SLC14A2: variants seen among roughly 807,000 people sequenced by gnomAD.
The protein encoded by SLC14A2 is urea transporter 2.
SLC14A2 carries 91 observed loss-of-function variants against 104.6 expected under a neutral mutation model. The observed-to-expected ratio is 0.87, with a 90% CI of 0.73 to 1.04. The LOEUF is 1.04. Among genes scored for constraint, SLC14A2 ranks in the 50% least tolerant of loss-of-function variants. SLC14A2 has a pLI of 0.00. For synonymous variants in SLC14A2, 476 were observed against 466.4 expected, an observed-to-expected ratio of 1.02 and a Z score of -0.27; for missense variants, 1,189 against 1,156.0, an observed-to-expected ratio of 1.03 and a Z score of -0.41.
rs997036762 is a variant in SLC14A2, at chr18:45,627,075, C to T, written c.449C>T (p.Pro150Leu). ...TTCATAGGGCTGCTGATCCAGAATC[C>T]CTGGTGGACAATCACTGGGGGCCTG... is the stretch of plus-strand genomic sequence containing the variant. The part of the protein sequence containing the change: ...IIFIGLLIQN[P>L]WWTITGGLGT... The change falls in exon 4 of 20, where the codon CCC (proline) becomes CTC (leucine). Residue 150 changes from proline (P) to leucine (L), a missense_variant. Pro to Leu is a moderately conservative substitution (Grantham distance 98). Coordinates refer to ENST00000255226, the MANE Select transcript of SLC14A2 (RefSeq NM_007163.4). 5.6e-6 allele frequency: 9 copies of T among 1,613,900 alleles called. No homozygotes were observed. Among genetic ancestry groups the T allele is most frequent in the Non-Finnish European group, 7.6e-6 (9 of 1,180,026 alleles).
At chr18:45,532,999 T>A (rs2043721470) in intron 2 of SLC14A2, among the ~76,000 whole-genome samples, 1 of 152,190 alleles carries the variant, frequency 6.6e-6, no homozygotes, top group African/African-American at 2.4e-5. Context: ...CTGGATTACG[T>A]TTATTGATTT....
chr18:45,408,137 C>T lies in SLC14A2; in HGVS notation c.-124-75096C>T, dbSNP rs528406644. ...AGGTTGAAATCCATTTGGTGGAAAT[C>T]GGGCCGCCTTTCTTTGAGCTGAGGT... On this transcript the variant is annotated intron_variant, in intron 1 of 20. Transcript: ENST00000586448. 3.3e-5 allele frequency among the ~76,000 whole-genome samples: 5 copies of T among 152,222 alleles called. 1 individual carries two copies. Among genetic ancestry groups the T allele is most frequent in the African/African-American group, 7.2e-5 (3 of 41,544 alleles).
intron 2 of SLC14A2, among the ~76,000 whole-genome samples, chr18:45,501,364 C>T (rs968368302): frequency 3.3e-5 from 5 of 152,210 alleles, no homozygotes; most frequent in Non-Finnish European, 7.3e-5. Flanking sequence ...CAACCTGAGA[C>T]TTGAATCGTC....
intron 2 of SLC14A2, among the ~76,000 whole-genome samples, chr18:45,579,828 G>A (rs1344708020): frequency 6.6e-6 from 1 of 152,210 alleles, no homozygotes; most frequent in Non-Finnish European, 1.5e-5. Flanking sequence ...TTACTTGGGG[G>A]TGTTGGGAAA....
At position 45,282,323 on chromosome 18, in the gene SLC14A2, A is replaced by C. The variant is rs2084770858; in HGVS notation, c.-125+69132A>C. Among the ~76,000 whole-genome samples, 12 of 152,156 alleles carry C rather than the reference A, an allele frequency of 7.9e-5. No individual in the cohort carries two copies. In the South Asian group the frequency reaches 2.5e-3, roughly 32 times the overall value. ...ACGAGTCATAGGGTGCTCAAGAGCT[A>C]TTTGGACCCCAACTTAGTTCTCTGG... On this transcript the variant is annotated intron_variant, in intron 1 of 20. Coordinates refer to the SLC14A2 transcript ENST00000586448.
At chr18:45,653,780 A>T (rs1388903770) in intron 10 of SLC14A2, among the ~76,000 whole-genome samples, 1 of 152,116 alleles carries the variant, frequency 6.6e-6, no homozygotes, top group African/African-American at 2.4e-5. Flanking sequence ...CTAGAAAGGC[A>T]GCATCTAGTA....
At position 45,394,776 on chromosome 18, in the gene SLC14A2, T is replaced by C. The variant is rs566011568; in HGVS notation, c.-124-88457T>C. Among the ~76,000 whole-genome samples, 3 of 152,318 alleles carry C rather than the reference T, an allele frequency of 2.0e-5. No individual in the cohort carries two copies. In the South Asian group the frequency reaches 6.2e-4, roughly 32 times the overall value. On this transcript the variant is annotated intron_variant, in intron 1 of 20. Coordinates refer to the SLC14A2 transcript ENST00000586448. ...TGATATTAACTTCTTATCAGATATA[T>C]GGTTTGCAAATATTTTCTCCCATTC...
At chr18:45,351,552 A>C (rs1009696673) in intron 1 of SLC14A2, among the ~76,000 whole-genome samples, 2 of 152,078 alleles carry the variant, frequency 1.3e-5, no homozygotes, top group Admixed American at 1.3e-4. Context: ...ACAAGGTCTC[A>C]CTATGTTGCC....
chr18:45,227,866 G>T (rs1352318043), intron 1 of SLC14A2, among the ~76,000 whole-genome samples: 1 of 151,932 alleles, frequency 6.6e-6, no homozygotes, highest in Non-Finnish European at 1.5e-5. Context: ...TCTTTAACAA[G>T]ATACATGTGT....
chr18:45,495,563 T>A (rs1439434570), intron 2 of SLC14A2, among the ~76,000 whole-genome samples: 1 of 152,162 alleles, frequency 6.6e-6, no homozygotes, highest in Non-Finnish European at 1.5e-5. Context: ...GAGTCTTGCT[T>A]CAACCTTGGG....
At chr18:45,325,491 G>A (rs549571028) in intron 1 of SLC14A2, among the ~76,000 whole-genome samples, 4 of 152,290 alleles carry the variant, frequency 2.6e-5, no homozygotes, top group Admixed American at 6.5e-5. Flanking sequence ...GCCAAGTGTC[G>A]ATCCTGTTCT....
intron 1 of SLC14A2, among the ~76,000 whole-genome samples, chr18:45,225,918 A>G (rs1054443230): frequency 2.0e-5 from 3 of 152,188 alleles, no homozygotes; most frequent in African/African-American, 7.2e-5. Flanking sequence ...CTACATATAC[A>G]GTCCTGTCAT....
rs16978431 is a variant in SLC14A2 at position 45,633,040 on chromosome 18, C to T, written c.650+562C>T. The stretch of plus-strand genomic sequence containing the variant: ...TTATTGCAATGGTAATCTTCCTGAA[C>T]GACATTCTTAGTAATAAAAGTCAGC... On this transcript the variant is annotated intron_variant, in intron 5 of 19. Transcript: ENST00000255226. Among the ~76,000 whole-genome samples, 1,221 of 152,282 alleles carry T rather than the reference C, an allele frequency of 8.0e-3. 51 individuals are homozygous for T. The East Asian group carries it at 0.13, about 17-fold the overall frequency.
At chr18:45,517,844 C>CA (rs965750238) in intron 2 of SLC14A2, among the ~76,000 whole-genome samples, 5 of 152,018 alleles carry the variant, frequency 3.3e-5, no homozygotes, top group Non-Finnish European at 7.4e-5. Flanking sequence ...CATAGGGGTA[C>CA]AAAAAATAGA....
At chr18:45,178,536 GA>G in the SLC14A2 span, among the ~76,000 whole-genome samples, 1 of 152,204 alleles carries the variant, frequency 6.6e-6, no homozygotes, top group African/African-American at 2.4e-5. Context: ...CCTCTGAGTA[GA>G]AAAAATAGCA....
intron 1 of SLC14A2, among the ~76,000 whole-genome samples, chr18:45,347,008 TAAAC>T (rs139343296): frequency 0.058 from 7,310 of 125,480 alleles, 361 homozygotes; most frequent in African/African-American, 0.18. Flanking sequence ...AATAAATAAA[TAAAC>T]AAACAAACAA....
At position 45,621,379 on chromosome 18, in the gene SLC14A2, C is replaced by T. The variant is rs933106271; in HGVS notation, c.-34-3252C>T. The stretch of plus-strand genomic sequence containing the variant: ...ACATTTGCAGACCTACACAAAAATT[C>T]ACAGTGGTCTAATGAGCTCCTCCTG... On this transcript the variant is annotated intron_variant, in intron 1 of 19. Coordinates refer to ENST00000255226, the MANE Select transcript of SLC14A2 (RefSeq NM_007163.4). 4.6e-5 allele frequency among the ~76,000 whole-genome samples: 7 copies of T among 152,294 alleles called. 1 individual carries two copies. The highest frequency in any genetic ancestry group is 1.3e-4 in the Admixed American group (2 of 15,294).
intron 2 of SLC14A2, among the ~76,000 whole-genome samples, chr18:45,494,482 C>T (rs902167052): frequency 6.6e-6 from 1 of 152,194 alleles, no homozygotes; most frequent in Admixed American, 6.5e-5. Context: ...ACTGCAACCT[C>T]CACCTCCTGG....
chr18:45,434,800 G>A (rs776163088), intron 1 of SLC14A2, among the ~76,000 whole-genome samples: 5 of 152,170 alleles, frequency 3.3e-5, no homozygotes, highest in East Asian at 1.9e-4. Context: ...CTATCAAAAC[G>A]TGGGGTGAAA....
Sources: gnomAD v4.1 joint callset for allele counts (sites outside exome capture counted in the v4.1 genomes callset) on GRCh38, gnomAD v4.1.1 for gene constraint, MANE v1.5 for transcripts, NCBI Gene and HGNC (gene_info 2026-07-23, HGNC 2026-07-21) for gene names.